The following FIG4 variants were observed in gnomAD, a reference collection of about 807,000 sequenced individuals.
FIG4 encodes the protein polyphosphoinositide phosphatase.
In FIG4, 112 loss-of-function variants were observed where a neutral mutation model predicts 118.6. The observed-to-expected ratio is 0.94, with a 90% CI of 0.81 to 1.11. The LOEUF (loss-of-function observed/expected upper bound fraction) is 1.11, where lower values mean the gene tolerates loss of function less well. FIG4 is among the 50% of genes least tolerant of loss of function. The pLI is 0.00. For missense variants in FIG4, 969 were observed against 1,111.7 expected (o/e 0.87, Z 1.83); for synonymous variants, 369 against 381.2 (o/e 0.97, Z 0.37).
At chr6:109,743,568 T>G in intron 9 of FIG4, 107 bp from the exon 10 acceptor site, 2 of 826,302 alleles carry the variant, frequency 2.4e-6, no homozygotes, top group Non-Finnish European at 4.1e-6. Flanking sequence ...AGTGAAACTA[T>G]TGAAAGATTA....
At position 109,792,626 on chromosome 6, in the gene FIG4, A is replaced by G; in HGVS notation, c.2421A>G (p.Ser807=). The G allele has an allele frequency of 1.9e-6, 3 of 1,603,400 alleles. No homozygotes were observed. The highest frequency in any genetic ancestry group is 2.6e-6 in the Non-Finnish European group (3 of 1,170,634). The change falls in exon 21 of 23, where the codon TCA becomes TCG. Residue 807 remains serine (S), a synonymous_variant. Transcript: ENST00000230124. The stretch of plus-strand genomic sequence containing the variant: ...AGGAGCTATATGGAATTAACCTCTC[A>G]GATGGCCTCTCAGAAGAAGATTTCT... ...PMKELYGINL[S]DGLSEEDFSI...
intron 8 of FIG4, among the ~76,000 whole-genome samples, chr6:109,742,262 T>C (rs1041238334): frequency 9.2e-5 from 14 of 152,068 alleles, no homozygotes; most frequent in Admixed American, 3.3e-4. Context: ...GAAGACGAAG[T>C]GGAGCAAGGT....
At chr6:109,747,692 G>A (rs1053552452) in intron 10 of FIG4, among the ~76,000 whole-genome samples, 8 of 152,140 alleles carry the variant, frequency 5.3e-5, no homozygotes, top group Non-Finnish European at 1.0e-4. Flanking sequence ...ATGTGAAAGG[G>A]ATAGTTGTAT....
intron 22 of FIG4, among the ~76,000 whole-genome samples, chr6:109,823,088 A>T (rs1195195765): frequency 6.6e-6 from 1 of 151,922 alleles, no homozygotes; most frequent in Non-Finnish European, 1.5e-5. Context: ...TCTATAAATA[A>T]TTTTTTTGTG....
At chr6:109,790,810 T>TC (rs57061961) in intron 19 of FIG4, among the ~76,000 whole-genome samples, 16,617 of 152,216 alleles carry the variant, frequency 0.11, 1,044 homozygotes, top group South Asian at 0.27. Context: ...TGTAGGGTTT[T>TC]CCCCCCTTCT....
At chr6:109,785,653 A>G (rs141442507) in intron 17 of FIG4, 8 of 470,718 alleles carry the variant, frequency 1.7e-5, no homozygotes, top group African/African-American at 1.0e-4. Flanking sequence ...GAGCAAGCTC[A>G]TTTTCCATTT....
At chr6:109,774,218 AG>A (rs1777553734) in intron 15 of FIG4, among the ~76,000 whole-genome samples, 1 of 152,236 alleles carries the variant, frequency 6.6e-6, no homozygotes, top group South Asian at 2.1e-4. Flanking sequence ...TTGTATATTT[AG>A]GGGAACATGA....
intron 3 of FIG4, 44 bp from the exon 4 acceptor site, chr6:109,727,065 A>G (rs769008558): frequency 1.0e-5 from 15 of 1,476,442 alleles, no homozygotes; most frequent in Non-Finnish European, 1.4e-5. Context: ...AAAAGCCATT[A>G]CTAAGTTTAT....
chr6:109,815,106 G>T (rs139978591), intron 22 of FIG4, among the ~76,000 whole-genome samples: 120 of 152,178 alleles, frequency 7.9e-4, no homozygotes, highest in African/African-American at 2.7e-3. Context: ...GGTATCCAGG[G>T]TTTATTCTAG....
chr6:109,710,570 G>C (rs72941191), intron 1 of FIG4, among the ~76,000 whole-genome samples: 230 of 152,210 alleles, frequency 1.5e-3, no homozygotes, highest in Non-Finnish European at 3.0e-3. Context: ...ATTCAGCTTG[G>C]AATCTGTCTG....
At chr6:109,806,330 G>A (rs1239250800) in intron 22 of FIG4, among the ~76,000 whole-genome samples, 2 of 152,066 alleles carry the variant, frequency 1.3e-5, no homozygotes, top group Non-Finnish European at 2.9e-5. Flanking sequence ...AAACTCAATC[G>A]GTGTAATCTG....
chr6:109,802,376 G>A (rs1187908124), intron 22 of FIG4, among the ~76,000 whole-genome samples: 2 of 152,178 alleles, frequency 1.3e-5, no homozygotes, highest in South Asian at 2.1e-4. Context: ...CATATTCTAG[G>A]TCAGTGTTTT....
At chr6:109,766,354 G>A (rs1777278517) in intron 14 of FIG4, among the ~76,000 whole-genome samples, 2 of 152,186 alleles carry the variant, frequency 1.3e-5, no homozygotes, top group Admixed American at 6.5e-5. Context: ...GACTGACACC[G>A]TGACAGGAGC....
Position 109,724,740 on chromosome 6 carries a change from A to T in FIG4, c.290-2369A>T, listed in dbSNP as rs554323822. On this transcript the variant is annotated intron_variant, in intron 3 of 22. Coordinates refer to ENST00000230124, the MANE Select transcript of FIG4 (RefSeq NM_014845.6). ...ATGTACAACTTTTATTTTTGGACTC[A>T]TCTTACTATGTTTTTAAACATTATT... Among the ~76,000 whole-genome samples, 8 of 152,050 alleles carry T rather than the reference A, an allele frequency of 5.3e-5. No homozygotes were observed. In the East Asian group the frequency reaches 1.5e-3, roughly 29 times the overall value.
chr6:109,774,134 T>C (rs1006543327), intron 15 of FIG4, among the ~76,000 whole-genome samples: 1 of 152,186 alleles, frequency 6.6e-6, no homozygotes, highest in Admixed American at 6.5e-5. Flanking sequence ...TACTAAAGTA[T>C]ATATGTTAAT....
chr6:109,781,779 T>TTTTTTTTTTTTTTTTTTTTTTTGAG (rs1554307140), intron 16 of FIG4, among the ~76,000 whole-genome samples: 4 of 145,872 alleles, frequency 2.7e-5, no homozygotes, highest in African/African-American at 4.9e-5. Flanking sequence ...TCTTCAGATT[T>TTTTTTTTTTTTTTTTTTTTTTTGAG]AATCAGTTGA....
At chr6:109,789,793 T>C in intron 19 of FIG4, 116 bp downstream of exon 19, 1 of 740,284 alleles carries the variant, frequency 1.4e-6, no homozygotes, top group Non-Finnish European at 2.4e-6. Context: ...TTAATAACAC[T>C]GGGATCACTA....
chr6:109,769,538 A>G (rs1404668346), intron 15 of FIG4, among the ~76,000 whole-genome samples: 1 of 152,128 alleles, frequency 6.6e-6, no homozygotes. Context: ...TTTTCTTTAA[A>G]CCACTCAAGA....
intron 3 of FIG4, among the ~76,000 whole-genome samples, chr6:109,724,480 G>A (rs954913932): frequency 6.6e-6 from 1 of 152,132 alleles, no homozygotes; most frequent in Admixed American, 6.6e-5. Context: ...GCTTGACATC[G>A]CTGGAGAATT....
Sources: gnomAD v4.1 joint callset for allele counts (sites outside exome capture counted in the v4.1 genomes callset) on GRCh38, gnomAD v4.1.1 for gene constraint, MANE v1.5 for transcripts, NCBI Gene and HGNC (gene_info 2026-07-23, HGNC 2026-07-21) for gene names.